Variants in ELF2 observed in about 807,000 individuals in gnomAD.
ELF2 encodes the protein E74 like ETS transcription factor 2, also known as ETS-related transcription factor Elf-2.
ELF2 carries 11 observed loss-of-function variants against 54.8 expected under a neutral mutation model. The ratio of observed to expected loss-of-function variants is 0.20; its 90% confidence interval spans 0.13 to 0.33. The LOEUF is 0.33. Ranked by LOEUF, ELF2 falls within the 10% of genes least tolerant of loss-of-function variation. ELF2 has a pLI of 1.00. For missense variants in ELF2, 513 were observed against 703.0 expected, an observed-to-expected ratio of 0.73 and a Z score of 3.06; for synonymous variants, 203 against 245.1, an observed-to-expected ratio of 0.83 and a Z score of 1.61.
chr4:139,115,375 G>A, intron 4 of ELF2: 1 of 1,057,150 alleles, frequency 9.5e-7, no homozygotes, highest in Non-Finnish European at 1.1e-6. Context: ...TGTCCGCCAT[G>A]GCGGCCGCCG....
At chr4:139,084,527 C>T in intron 4 of ELF2, 2 of 677,464 alleles carry the variant, frequency 3.0e-6, no homozygotes, top group Non-Finnish European at 3.7e-6. Context: ...AACAGGAAGT[C>T]CCGGACGCTT....
intron 4 of ELF2, among the ~76,000 whole-genome samples, chr4:139,074,772 C>G (rs189449847): frequency 6.9e-6 from 1 of 145,172 alleles, no homozygotes; most frequent in African/African-American, 2.5e-5. Flanking sequence ...AAAAAAAAAA[C>G]AAAAAGAAAA....
At chr4:139,116,620 C>T in intron 4 of ELF2, 1 of 942,034 alleles carries the variant, frequency 1.1e-6, no homozygotes, top group Non-Finnish European at 1.3e-6. Flanking sequence ...AAATTACAAA[C>T]ATTCTTAATA....
intron 1 of ELF2, among the ~76,000 whole-genome samples, chr4:139,153,354 G>A (rs1214211284): frequency 1.3e-5 from 2 of 152,086 alleles, no homozygotes; most frequent in Non-Finnish European, 2.9e-5. Context: ...AGGATCGCTT[G>A]AGCCTGGGAG....
At chr4:139,093,861 C>A (rs1396448403) in intron 4 of ELF2, among the ~76,000 whole-genome samples, 3 of 150,006 alleles carry the variant, frequency 2.0e-5, no homozygotes, top group African/African-American at 7.3e-5. Context: ...TTTAAAATAT[C>A]ACTTTCACAT....
intron 3 of ELF2, among the ~76,000 whole-genome samples, chr4:139,125,887 C>G (rs1012476012): frequency 6.6e-6 from 1 of 152,010 alleles, no homozygotes; most frequent in Non-Finnish European, 1.5e-5. Flanking sequence ...GACCTTCTCT[C>G]TCCTTCATGA....
Position 139,059,222 on chromosome 4 carries a change from G to C in ELF2, c.1543C>G (p.Gln515Glu), listed in dbSNP as rs761541110. ...GGAGGAGTCTGGCCAGATGCCTGCT[G>C]AGTAGGCATTGATAGTCTCATTACA... ...TPVMRLSMPT[Q>E]QASGQTPPRV... is the part of the protein sequence containing the mutation. The change falls in exon 10 of 10, where the codon CAG (glutamine) becomes GAG (glutamate). Residue 515 changes from glutamine to glutamate, a missense_variant. Physicochemically the swap from Gln to Glu is conservative, Grantham distance 29 (BLOSUM62 2). Coordinates refer to ENST00000686138, the MANE Select transcript of ELF2 (RefSeq NM_001331036.3). The C allele has an allele frequency of 3.7e-6, 6 of 1,613,842 alleles. No individual in the cohort carries two copies. The highest frequency in any genetic ancestry group is 5.1e-6 in the Non-Finnish European group (6 of 1,179,882).
intron 1 of ELF2, among the ~76,000 whole-genome samples, chr4:139,141,630 C>G (rs535612544): frequency 6.6e-6 from 1 of 152,200 alleles, no homozygotes; most frequent in East Asian, 1.9e-4. Context: ...CTTGGCCCCC[C>G]ACAAAGTCTT....
At chr4:139,153,626 T>C (rs926175578) in intron 1 of ELF2, among the ~76,000 whole-genome samples, 1 of 152,072 alleles carries the variant, frequency 6.6e-6, no homozygotes, top group Non-Finnish European at 1.5e-5. Flanking sequence ...CTTTCACAAT[T>C]TGCTCACAGG....
chr4:139,080,572 T>C (rs1293968982), intron 4 of ELF2, among the ~76,000 whole-genome samples: 1 of 152,124 alleles, frequency 6.6e-6, no homozygotes, highest in Non-Finnish European at 1.5e-5. Flanking sequence ...GACCAAAACT[T>C]CTGATTACCT....
intron 1 of ELF2, among the ~76,000 whole-genome samples, chr4:139,151,080 G>GAAAGAAAA (rs1553971391): frequency 1.6e-5 from 2 of 126,500 alleles, no homozygotes; most frequent in Non-Finnish European, 3.4e-5. Flanking sequence ...AAGAAAGAAA[G>GAAAGAAAA]AAAGAAAGAA....
chr4:139,121,913 GAAAC>G (rs1478881144), intron 4 of ELF2, among the ~76,000 whole-genome samples: 6 of 152,146 alleles, frequency 3.9e-5, no homozygotes, highest in Non-Finnish European at 7.4e-5. Context: ...ACAAAAAGGA[GAAAC>G]AAACAGCTCG....
Position 139,146,831 on chromosome 4 carries a change from A to C in ELF2, c.-251-7334T>G, listed in dbSNP as rs994718203. ...GAAAACTGGCTAGCCACAAGTAGAA[A>C]AATGAAACTGGATCCCTGTCTCTCA... On this transcript the variant is annotated intron_variant, in intron 1 of 9. Transcript: ENST00000686138. Among the ~76,000 whole-genome samples the C allele has an allele frequency of 3.3e-5, 5 of 152,326 alleles. No individual in the cohort carries two copies. The Middle Eastern group carries it at 0.017, about 518-fold the overall frequency.
At chr4:139,062,676 T>C (rs994419261) in intron 7 of ELF2, among the ~76,000 whole-genome samples, 8 of 152,228 alleles carry the variant, frequency 5.3e-5, no homozygotes, top group African/African-American at 1.9e-4. Context: ...ACTGAATAAA[T>C]TTATTTACAC....
chr4:139,069,880 T>C (rs1729265362), intron 6 of ELF2, among the ~76,000 whole-genome samples: 1 of 151,808 alleles, frequency 6.6e-6, no homozygotes, highest in Admixed American at 6.6e-5. Flanking sequence ...AGGGTCTCAC[T>C]CTGTCGCCCA....
chr4:139,156,880 C>T (rs1465003972), intron 1 of ELF2, among the ~76,000 whole-genome samples: 1 of 152,124 alleles, frequency 6.6e-6, no homozygotes, highest in Non-Finnish European at 1.5e-5. Context: ...ATGATCCACC[C>T]TCTTCAGCCT....
chr4:139,159,342 G>A (rs973436675), intron 1 of ELF2, among the ~76,000 whole-genome samples: 1 of 152,234 alleles, frequency 6.6e-6, no homozygotes, highest in Admixed American at 6.5e-5. Flanking sequence ...TGGGCTAGCA[G>A]CTTGTAACCT....
chr4:139,165,870 T>C (rs1741665886), intron 1 of ELF2, among the ~76,000 whole-genome samples: 1 of 152,216 alleles, frequency 6.6e-6, no homozygotes, highest in African/African-American at 2.4e-5. Context: ...AATATGAATA[T>C]TCCAAAAGTA....
intron 4 of ELF2, among the ~76,000 whole-genome samples, chr4:139,086,684 C>A (rs1732018405): frequency 6.6e-6 from 1 of 152,002 alleles, no homozygotes; most frequent in Non-Finnish European, 1.5e-5. Context: ...AGAAATTAAC[C>A]CTTCTCAATT....
Sources: allele counts gnomAD v4.1 joint callset (sites outside exome capture counted in the v4.1 genomes callset), GRCh38; gene constraint gnomAD v4.1.1; transcripts MANE v1.5; gene names NCBI Gene and HGNC (gene_info 2026-07-23, HGNC 2026-07-21).